The following TMEM163 variants were observed in gnomAD, a reference collection of about 807,000 sequenced individuals.
The protein encoded by TMEM163 is transmembrane protein 163.
A neutral mutation model predicts 29.3 loss-of-function variants in TMEM163; 17 were observed. The observed-to-expected ratio is 0.58, with a 90% CI of 0.40 to 0.87. The LOEUF (loss-of-function observed/expected upper bound fraction) is 0.87, where lower values mean the gene tolerates loss of function less well. Among genes scored for constraint, TMEM163 ranks in the 40% least tolerant of loss-of-function variants. TMEM163 has a pLI of 0.00. For synonymous variants in TMEM163, 157 were observed against 160.6 expected (o/e 0.98, Z 0.17); for missense variants, 303 against 381.5 (o/e 0.79, Z 1.71).
chr2:134,520,050 G>A (rs778226944), intron 4 of TMEM163, among the ~76,000 whole-genome samples: 11 of 152,128 alleles, frequency 7.2e-5, no homozygotes, highest in Non-Finnish European at 1.2e-4. Flanking sequence ...TAAAGATGAA[G>A]GGGCGTGGAG....
At chr2:134,491,041 G>A (rs1198555999) in intron 5 of TMEM163, among the ~76,000 whole-genome samples, 1 of 152,162 alleles carries the variant, frequency 6.6e-6, no homozygotes, top group Admixed American at 6.5e-5. Context: ...CAAAAGATAG[G>A]AAGGTGTTCT....
intron 2 of TMEM163, among the ~76,000 whole-genome samples, chr2:134,698,139 T>G (rs990236795): frequency 2.0e-5 from 3 of 152,216 alleles, no homozygotes; most frequent in African/African-American, 7.2e-5. Context: ...TTAACAGCAT[T>G]CTTGCCCTCC....
intron 5 of TMEM163, among the ~76,000 whole-genome samples, chr2:134,472,742 G>A (rs1325221875): frequency 6.6e-6 from 1 of 152,206 alleles, no homozygotes; most frequent in Admixed American, 6.5e-5. Flanking sequence ...TGATCAACCA[G>A]CTTTGCCTGA....
At chr2:134,622,049 A>T (rs891277522) in intron 2 of TMEM163, among the ~76,000 whole-genome samples, 1 of 152,236 alleles carries the variant, frequency 6.6e-6, no homozygotes, top group Non-Finnish European at 1.5e-5. Context: ...GCTAATTGAA[A>T]AAAGCAAAAC....
At chr2:134,668,218 C>CAT (rs1205202582) in intron 2 of TMEM163, among the ~76,000 whole-genome samples, 1 of 152,146 alleles carries the variant, frequency 6.6e-6, no homozygotes, top group African/African-American at 2.4e-5. Context: ...GCTTTATAAC[C>CAT]ATGTGTCCCC....
intron 4 of TMEM163, among the ~76,000 whole-genome samples, chr2:134,532,130 G>T (rs1010562344): frequency 3.3e-5 from 5 of 152,244 alleles, no homozygotes; most frequent in African/African-American, 1.2e-4. Context: ...TTCAGCACGA[G>T]ACCATAATCT....
At chr2:134,498,264 C>T (rs1679617435) in intron 5 of TMEM163, among the ~76,000 whole-genome samples, 1 of 152,108 alleles carries the variant, frequency 6.6e-6, no homozygotes, top group Non-Finnish European at 1.5e-5. Context: ...TCCAGCGCCA[C>T]CCTCCACGTG....
At chr2:134,498,817 G>C (rs926874516) in intron 5 of TMEM163, among the ~76,000 whole-genome samples, 2 of 152,256 alleles carry the variant, frequency 1.3e-5, no homozygotes, top group African/African-American at 4.8e-5. Context: ...ACTGCCCTCA[G>C]GAGTGTGGGG....
chr2:134,569,345 C>T (rs957086600), intron 2 of TMEM163, among the ~76,000 whole-genome samples: 1 of 152,134 alleles, frequency 6.6e-6, no homozygotes, highest in African/African-American at 2.4e-5. Flanking sequence ...GGTTTAAGCC[C>T]TAAGGGACCA....
rs991904426 is a variant in TMEM163, at chr2:134,582,579, C to T, written c.323-30488G>A. Among the ~76,000 whole-genome samples, 12 of 152,176 alleles carry T rather than the reference C, an allele frequency of 7.9e-5. No individual in the cohort carries two copies. In the East Asian group the frequency reaches 9.6e-4, roughly 12 times the overall value. On this transcript the variant is annotated intron_variant, in intron 2 of 7. Transcript: ENST00000281924. The stretch of plus-strand genomic sequence containing the variant: ...TGGAGTCTGACAAGACAAAAATTCA[C>T]GTCAAAGCTTCACTCAGACTAATCA...
chr2:134,664,390 C>T (rs55808946), intron 2 of TMEM163, among the ~76,000 whole-genome samples: 4 of 152,078 alleles, frequency 2.6e-5, no homozygotes, highest in Non-Finnish European at 5.9e-5. Context: ...GTAGGTCTAG[C>T]GTGGGGTTTA....
At position 134,498,287 on chromosome 2, in the gene TMEM163, C is replaced by A. The variant is rs1041137495; in HGVS notation, c.555+4614G>T. 2.0e-5 allele frequency among the ~76,000 whole-genome samples: 3 copies of A among 152,188 alleles called. No individual in the cohort carries two copies. In the South Asian group the frequency reaches 6.2e-4, roughly 32 times the overall value. ...CACCCTCCACGTGCTCCACGCATCC[C>A]CCCTTCTCCTCATCCCACACTGTCC... On this transcript the variant is annotated intron_variant, in intron 5 of 7. Transcript: ENST00000281924.
chr2:134,671,857 C>T (rs1684003320), intron 2 of TMEM163, among the ~76,000 whole-genome samples: 1 of 152,198 alleles, frequency 6.6e-6, no homozygotes, highest in African/African-American at 2.4e-5. Flanking sequence ...CTCTCTGGAA[C>T]TTGGCTGACT....
At chr2:134,498,280 C>T (rs571028753) in intron 5 of TMEM163, among the ~76,000 whole-genome samples, 5 of 152,154 alleles carry the variant, frequency 3.3e-5, no homozygotes, top group Non-Finnish European at 5.9e-5. Context: ...ACGTGCTCCA[C>T]GCATCCCCCC....
At chr2:134,522,180 T>C (rs1680204059) in intron 4 of TMEM163, among the ~76,000 whole-genome samples, 1 of 151,576 alleles carries the variant, frequency 6.6e-6, no homozygotes, top group Admixed American at 6.6e-5. Flanking sequence ...CACCCAGAAG[T>C]CTAAGAACAG....
At chr2:134,500,521 G>T (rs1167741858) in intron 5 of TMEM163, among the ~76,000 whole-genome samples, 1 of 152,156 alleles carries the variant, frequency 6.6e-6, no homozygotes, top group Non-Finnish European at 1.5e-5. Flanking sequence ...ATCTGGCATC[G>T]CTTCTTCAGA....
intron 4 of TMEM163, among the ~76,000 whole-genome samples, chr2:134,537,604 C>G (rs1020784751): frequency 6.6e-6 from 1 of 152,144 alleles, no homozygotes; most frequent in African/African-American, 2.4e-5. Context: ...ACATAAACAC[C>G]CAGTTCATAA....
chr2:134,609,241 G>A (rs1229402989), intron 2 of TMEM163, among the ~76,000 whole-genome samples: 15 of 21,974 alleles, frequency 6.8e-4, no homozygotes, highest in Non-Finnish European at 8.4e-4. Context: ...GAACTGTACT[G>A]GTGAAAAGGA....
intron 2 of TMEM163, among the ~76,000 whole-genome samples, chr2:134,556,734 T>C (rs1289674698): frequency 6.6e-6 from 1 of 152,138 alleles, no homozygotes; most frequent in African/African-American, 2.4e-5. Flanking sequence ...GGTGGGAGGA[T>C]TGCTTGAGCC....
Sources: allele counts gnomAD v4.1 joint callset (sites outside exome capture counted in the v4.1 genomes callset), GRCh38; gene constraint gnomAD v4.1.1; transcripts MANE v1.5; gene names NCBI Gene and HGNC (gene_info 2026-07-23, HGNC 2026-07-21).